Variants in RTL4 observed in about 807,000 individuals in gnomAD.
RTL4 encodes retrotransposon Gag like 4.
RTL4 carries 4 observed loss-of-function variants against 5.3 expected under a neutral mutation model. That is an observed-to-expected ratio of 0.75 (90% CI 0.37 to 1.72). The LOEUF is 1.72. RTL4 is among the 40% of genes most tolerant of loss of function. The pLI, the probability that RTL4 is intolerant of heterozygous loss-of-function variation, is 0.04. For missense variants in RTL4, 260 were observed against 227.1 expected (o/e 1.14, Z -0.93); for synonymous variants, 98 against 87.3 (o/e 1.12, Z -0.68).
chrX:112,257,949 CT>C, the RTL4 span, among the ~76,000 whole-genome samples: 1 of 105,052 alleles, frequency 9.5e-6, no homozygotes, highest in Admixed American at 1.0e-4. Context: ...GAACTGAATA[CT>C]TTTTCTGGAA....
the RTL4 span, among the ~76,000 whole-genome samples, chrX:112,443,919 T>G: frequency 9.0e-6 from 1 of 111,624 alleles, no homozygotes; most frequent in African/African-American, 3.3e-5. Context: ...TTGTATCCTT[T>G]GCTGTGCAGA....
At chrX:112,369,795 A>G in the RTL4 span, among the ~76,000 whole-genome samples, 1 of 111,885 alleles carries the variant, frequency 8.9e-6, no homozygotes, top group African/African-American at 3.2e-5. Context: ...TGAGGCAACT[A>G]CAATAGTGGC....
chrX:112,215,910 C>G, the RTL4 span, among the ~76,000 whole-genome samples: 7 of 111,476 alleles, frequency 6.3e-5, no homozygotes, highest in Middle Eastern at 4.6e-3. Flanking sequence ...TTTTACATTC[C>G]TATCAGCAAT....
the RTL4 span, among the ~76,000 whole-genome samples, chrX:112,281,334 G>A: frequency 1.1e-4 from 12 of 111,349 alleles, no homozygotes; most frequent in East Asian, 5.6e-4. Context: ...TCTTTTTTAC[G>A]GCTGAATAGT....
At chrX:112,209,428 A>G in the RTL4 span, among the ~76,000 whole-genome samples, 3 of 112,223 alleles carry the variant, frequency 2.7e-5, no homozygotes, top group Non-Finnish European at 3.8e-5. Context: ...GCTGTCCTTC[A>G]GGGATGTCCT....
the RTL4 span, among the ~76,000 whole-genome samples, chrX:112,266,805 T>G: frequency 9.0e-6 from 1 of 111,592 alleles, no homozygotes; most frequent in Admixed American, 9.5e-5. Context: ...CTCATAGTTA[T>G]GACAGTCATT....
the RTL4 span, among the ~76,000 whole-genome samples, chrX:112,318,135 T>C: frequency 8.9e-6 from 1 of 111,831 alleles, no homozygotes; most frequent in African/African-American, 3.3e-5. Context: ...TGTTCCACTT[T>C]TCCCCCAACC....
chrX:112,390,556 C>T, the RTL4 span, among the ~76,000 whole-genome samples: 1 of 110,618 alleles, frequency 9.0e-6, no homozygotes, highest in Non-Finnish European at 1.9e-5. Context: ...ATTTAGGAAG[C>T]TTAGTTTGAC....
the RTL4 span, among the ~76,000 whole-genome samples, chrX:112,112,467 G>A: frequency 8.9e-6 from 1 of 111,879 alleles, no homozygotes; most frequent in Non-Finnish European, 1.9e-5. Flanking sequence ...CTGTTTTAAT[G>A]TCTTAGCGTG....
At chrX:112,272,309 T>A in the RTL4 span, among the ~76,000 whole-genome samples, 2 of 112,100 alleles carry the variant, frequency 1.8e-5, no homozygotes, top group Non-Finnish European at 3.8e-5. Flanking sequence ...TCTAACATTT[T>A]TTTCTTTATG....
the RTL4 span, among the ~76,000 whole-genome samples, chrX:112,406,475 C>T: frequency 9.0e-6 from 1 of 110,905 alleles, no homozygotes; most frequent in African/African-American, 3.3e-5. Context: ...AATGAACTCA[C>T]TATCATGAGG....
At chrX:112,334,027 T>A in the RTL4 span, among the ~76,000 whole-genome samples, 1 of 109,365 alleles carries the variant, frequency 9.1e-6, no homozygotes, top group Non-Finnish European at 1.9e-5. Context: ...GACTTTTAGA[T>A]CTCACAAATA....
chrX:112,172,931 C>T, the RTL4 span, among the ~76,000 whole-genome samples: 1 of 101,496 alleles, frequency 9.9e-6, no homozygotes. Flanking sequence ...CACATGTTCT[C>T]ATTTATAAGT....
the RTL4 span, among the ~76,000 whole-genome samples, chrX:112,366,446 T>C: frequency 9.0e-6 from 1 of 111,606 alleles, no homozygotes; most frequent in Non-Finnish European, 1.9e-5. Context: ...GTCCCCTCCC[T>C]GCCTAGAAGC....
chrX:112,111,030 G>A, the RTL4 span, among the ~76,000 whole-genome samples: 320 of 111,919 alleles, frequency 2.9e-3, 2 homozygotes, highest in African/African-American at 8.4e-3. Context: ...ACAGGGTCAC[G>A]GAGAAGACCT....
chrX:112,402,390 G>A, the RTL4 span, among the ~76,000 whole-genome samples: 32 of 94,980 alleles, frequency 3.4e-4, no homozygotes, highest in African/African-American at 1.1e-3. Flanking sequence ...ATTTCTTTGC[G>A]GAATTATTAT....
chrX:112,095,018 G>A, the RTL4 span, among the ~76,000 whole-genome samples: 6 of 111,185 alleles, frequency 5.4e-5, no homozygotes, highest in Admixed American at 3.8e-4. Context: ...CATTTGATAC[G>A]TTTATATGCT....
chrX:112,288,398 A>G, the RTL4 span, among the ~76,000 whole-genome samples: 1 of 112,108 alleles, frequency 8.9e-6, no homozygotes, highest in Non-Finnish European at 1.9e-5. Context: ...TAGGAAAGGT[A>G]CTGCCTATTT....
At chrX:112,388,765 CT>C in the RTL4 span, among the ~76,000 whole-genome samples, 7 of 112,087 alleles carry the variant, frequency 6.2e-5, no homozygotes, top group Non-Finnish European at 1.1e-4. Flanking sequence ...ATGAAGCCTA[CT>C]TGGTTGTGGT....
Sources: allele counts gnomAD v4.1 joint callset (sites outside exome capture counted in the v4.1 genomes callset), GRCh38; gene constraint gnomAD v4.1.1; transcripts MANE v1.5; gene names NCBI Gene and HGNC (gene_info 2026-07-23, HGNC 2026-07-21).